PIWIL2: variants seen among roughly 807,000 people sequenced by gnomAD.
PIWIL2 encodes piwi-like protein 2.
Under a neutral mutation model 116.5 loss-of-function variants are expected in PIWIL2, and 81 were observed. The ratio of observed to expected loss-of-function variants is 0.70; its 90% confidence interval spans 0.58 to 0.84. The LOEUF (loss-of-function observed/expected upper bound fraction) is 0.84. PIWIL2 is among the 40% of genes least tolerant of loss of function. The probability of loss-of-function intolerance (pLI) is 0.00; values close to 1 mark genes in which losing one functional copy is unlikely to be tolerated. For missense variants in PIWIL2, 1,272 were observed against 1,212.3 expected, an observed-to-expected ratio of 1.05 and a Z score of -0.73; for synonymous variants, 489 against 429.5, an observed-to-expected ratio of 1.14 and a Z score of -1.71.
intron 22 of PIWIL2, among the ~76,000 whole-genome samples, chr8:22,354,630 A>G (rs1586605627): frequency 6.6e-6 from 1 of 152,192 alleles, no homozygotes; most frequent in Admixed American, 6.5e-5. Flanking sequence ...TATTTTTTAA[A>G]TCTGTTCCAG....
chr8:22,291,811 C>T (rs183168453), intron 10 of PIWIL2, among the ~76,000 whole-genome samples: 1 of 152,210 alleles, frequency 6.6e-6, no homozygotes, highest in Non-Finnish European at 1.5e-5. Flanking sequence ...GATCCCTCCC[C>T]TCACAGAGCC....
chr8:22,279,108 TC>T (rs202117124), intron 1 of PIWIL2, among the ~76,000 whole-genome samples: 7,517 of 152,276 alleles, frequency 0.049, 291 homozygotes, highest in Admixed American at 0.085. Context: ...AAAATTATCT[TC>T]CAGGAAACCA....
intron 1 of PIWIL2, among the ~76,000 whole-genome samples, chr8:22,276,310 T>A (rs1234128060): frequency 6.6e-6 from 1 of 150,506 alleles, no homozygotes; most frequent in East Asian, 1.9e-4. Context: ...AGACAGCTTT[T>A]TTGTTTGTTT....
At chr8:22,331,349 T>A (rs1005197212) in intron 20 of PIWIL2, among the ~76,000 whole-genome samples, 6 of 151,792 alleles carry the variant, frequency 4.0e-5, no homozygotes, top group Non-Finnish European at 7.4e-5. Context: ...GAAATTAAAA[T>A]TTTTAATTTC....
At chr8:22,293,434 G>A (rs1830811510) in intron 10 of PIWIL2, among the ~76,000 whole-genome samples, 1 of 152,104 alleles carries the variant, frequency 6.6e-6, no homozygotes, top group African/African-American at 2.4e-5. Context: ...CCACCTTCCG[G>A]GTTCAAGTGA....
intron 17 of PIWIL2, 93 bp from the exon 18 acceptor site, chr8:22,314,936 T>C (rs753584536): frequency 1.4e-6 from 1 of 722,064 alleles, no homozygotes; most frequent in Non-Finnish European, 2.5e-6. Flanking sequence ...TTGAGTTTCT[T>C]AAACAAATGT....
At chr8:22,326,921 G>A (rs183874479) in intron 20 of PIWIL2, among the ~76,000 whole-genome samples, 1 of 151,186 alleles carries the variant, frequency 6.6e-6, no homozygotes, top group Non-Finnish European at 1.5e-5. Flanking sequence ...CCACCAAGCT[G>A]TTTTGCCCAG....
intron 10 of PIWIL2, among the ~76,000 whole-genome samples, chr8:22,293,663 A>T (rs918642017): frequency 6.6e-6 from 1 of 152,208 alleles, no homozygotes; most frequent in African/African-American, 2.4e-5. Flanking sequence ...TTACCTTGAT[A>T]TGAAGTTGGG....
chr8:22,342,014 G>T (rs1347674794), intron 20 of PIWIL2, among the ~76,000 whole-genome samples: 9 of 149,596 alleles, frequency 6.0e-5, no homozygotes, highest in African/African-American at 2.0e-4. Context: ...TTGTTCCTGT[G>T]TACCAGCAGT....
intron 15 of PIWIL2, among the ~76,000 whole-genome samples, chr8:22,310,868 A>G (rs551146614): frequency 4.9e-4 from 74 of 152,216 alleles, no homozygotes; most frequent in Non-Finnish European, 1.0e-4. Context: ...AATTTGTGTT[A>G]GTGAGTTTCA....
intron 14 of PIWIL2, among the ~76,000 whole-genome samples, chr8:22,309,307 A>G (rs1445352692): frequency 6.6e-6 from 1 of 151,846 alleles, no homozygotes; most frequent in Non-Finnish European, 1.5e-5. Context: ...ATTTAGGGAC[A>G]TTTATGTTTT....
rs1350973296 is a variant in PIWIL2 at position 22,315,058 on chromosome 8, C to T, written c.2121C>T (p.Pro707=). The change falls in exon 18 of 23, where the codon CCC becomes CCT. Residue 707 remains proline, a synonymous_variant. Coordinates refer to ENST00000356766, the MANE Select transcript of PIWIL2 (RefSeq NM_018068.5). ...TCAATGTTCGAACCATTGGTCAGCC[C>T]ACCAGGCTTCGGAGTGTGGCCCAGA... The part of the protein sequence containing the change: ...QVVNVRTIGQ[P]TRLRSVAQKI... 2.5e-6 allele frequency: 4 copies of T among 1,613,598 alleles called. No individual in the cohort carries two copies. Among genetic ancestry groups the T allele is most frequent in the East Asian group, 4.5e-5 (2 of 44,884 alleles).
chr8:22,352,448 G>C (rs1290952509), intron 20 of PIWIL2, among the ~76,000 whole-genome samples: 4 of 152,206 alleles, frequency 2.6e-5, no homozygotes, highest in African/African-American at 9.6e-5. Context: ...CACCATACCA[G>C]ACTGTAGGGT....
intron 20 of PIWIL2, among the ~76,000 whole-genome samples, chr8:22,323,141 A>ATTT (rs1367341771): frequency 2.4e-5 from 2 of 81,936 alleles, no homozygotes; most frequent in Admixed American, 1.7e-4. Flanking sequence ...GATAGTCTTG[A>ATTT]TCTTTTTTTT....
rs76679293 is a variant in PIWIL2, at chr8:22,300,438, G to A, written c.1182-3583G>A. On this transcript the variant is annotated intron_variant, in intron 10 of 22. Coordinates refer to ENST00000356766, the MANE Select transcript of PIWIL2 (RefSeq NM_018068.5). ...TTTCTCCAGGTTCTTTCCAGCTTTTGGCTGTTACAAATAAAGTTGCTATAA... is the reference window on the plus strand; with the variant it reads ...TTTCTCCAGGTTCTTTCCAGCTTTTAGCTGTTACAAATAAAGTTGCTATAA... Among the ~76,000 whole-genome samples the A allele has an allele frequency of 9.7e-3, 1,479 of 152,228 alleles. 24 individuals are homozygous for A. The highest frequency in any genetic ancestry group is 0.034 in the African/African-American group (1,410 of 41,526).
In PIWIL2 at chr8:22,309,978, G is replaced by C. The variant is rs1831286965; in HGVS notation, c.1704G>C (p.Leu568=). 1 of 1,603,328 alleles carries C rather than the reference G, an allele frequency of 6.2e-7. No homozygotes were observed. Among genetic ancestry groups the C allele is most frequent in the Admixed American group, 1.7e-5 (1 of 59,962 alleles). Residue 568 remains leucine (L), a synonymous_variant, in exon 15 of 23, where the codon CTG becomes CTC. Coordinates refer to ENST00000356766, the MANE Select transcript of PIWIL2 (RefSeq NM_018068.5). ...CTGTTTAGATTGAAGGACGTGTTCT[G>C]CCAATGGAAAGAATTAACTTAAAAA... ...KDVHKIEGRV[L]PMERINLKNT... is the part of the protein sequence containing the mutation.
Position 22,353,146 on chromosome 8 carries a change from C to A in PIWIL2, c.2591C>A (p.Ala864Asp). The change falls in exon 21 of 23, where the codon GCT becomes GAT. Residue 864 changes from alanine to aspartate, a missense_variant. Coordinates refer to ENST00000356766, the MANE Select transcript of PIWIL2 (RefSeq NM_018068.5). ...ATCAGTACTAATCTATATCTGGCTG[C>A]TCCTCAGAACTTTGTAACTCCCACT... is the stretch of plus-strand genomic sequence containing the variant. Reference protein sequence around the residue: ...KKISTNLYLAAPQNFVTPTPG... With the variant: ...KKISTNLYLADPQNFVTPTPG... 6.8e-6 allele frequency: 11 copies of A among 1,613,728 alleles called. No individual in the cohort carries two copies. The highest frequency in any genetic ancestry group is 9.3e-6 in the Non-Finnish European group (11 of 1,179,616).
intron 20 of PIWIL2, among the ~76,000 whole-genome samples, chr8:22,324,940 G>A (rs537694403): frequency 6.6e-6 from 1 of 152,128 alleles, no homozygotes; most frequent in East Asian, 1.9e-4. Flanking sequence ...ACAACCCTCA[G>A]AAGGTCTGTA....
rs564408139 is a variant in PIWIL2, at chr8:22,346,418, C to G, written c.2404-6541C>G. 1.6e-3 allele frequency among the ~76,000 whole-genome samples: 251 copies of G among 152,314 alleles called. 3 individuals are homozygous for G. Among genetic ancestry groups the G allele is most frequent in the Non-Finnish European group, 2.7e-3 (181 of 68,016 alleles). On this transcript the variant is annotated intron_variant, in intron 20 of 22. Coordinates refer to ENST00000356766, the MANE Select transcript of PIWIL2 (RefSeq NM_018068.5). Reference sequence around the variant, plus strand: ...ATTCCCCTGGGCCCCATCCTTCCTCCTCTGATGCTGGGATGCATCTAAGGC... The same window carrying G: ...ATTCCCCTGGGCCCCATCCTTCCTCGTCTGATGCTGGGATGCATCTAAGGC...
Sources: allele counts gnomAD v4.1 joint callset (sites outside exome capture counted in the v4.1 genomes callset), GRCh38; gene constraint gnomAD v4.1.1; transcripts MANE v1.5; gene names NCBI Gene and HGNC (gene_info 2026-07-23, HGNC 2026-07-21).